PTPRG: variants seen among roughly 807,000 people sequenced by gnomAD.
The protein encoded by PTPRG is receptor-type tyrosine-protein phosphatase gamma.
Under a neutral mutation model 165.3 loss-of-function variants are expected in PTPRG, and 102 were observed. The observed-to-expected ratio is 0.62, with a 90% CI of 0.53 to 0.73. PTPRG has a LOEUF of 0.73. Among genes scored for constraint, PTPRG ranks in the 30% least tolerant of loss-of-function variants. PTPRG has a pLI of 0.00. For missense variants in PTPRG, 1,866 were observed against 1,861.4 expected, an observed-to-expected ratio of 1.00 and a Z score of -0.05; for synonymous variants, 675 against 669.5, an observed-to-expected ratio of 1.01 and a Z score of -0.13.
intron 2 of PTPRG, among the ~76,000 whole-genome samples, chr3:61,855,857 A>C (rs2037091667): frequency 6.6e-6 from 1 of 152,068 alleles, no homozygotes; most frequent in Non-Finnish European, 1.5e-5. Flanking sequence ...GCATTAAACC[A>C]AGGAAGTGTG....
At chr3:61,937,692 T>C (rs1252487996) in intron 2 of PTPRG, among the ~76,000 whole-genome samples, 1 of 152,212 alleles carries the variant, frequency 6.6e-6, no homozygotes, top group Non-Finnish European at 1.5e-5. Flanking sequence ...GCAAGAAACA[T>C]GCAGTCAGAG....
At chr3:61,763,181 A>C (rs546226768) in intron 2 of PTPRG, among the ~76,000 whole-genome samples, 1 of 152,196 alleles carries the variant, frequency 6.6e-6, no homozygotes, top group East Asian at 1.9e-4. Context: ...CCCGAAGTAG[A>C]GGTCCTGGAA....
At chr3:62,121,941 T>C (rs193048653) in intron 5 of PTPRG, among the ~76,000 whole-genome samples, 28 of 152,352 alleles carry the variant, frequency 1.8e-4, no homozygotes, top group African/African-American at 6.5e-4. Context: ...TTGTCTTTCC[T>C]CATTGCAATT....
chr3:61,671,663 G>T (rs1450935735), intron 1 of PTPRG, among the ~76,000 whole-genome samples: 2 of 144,100 alleles, frequency 1.4e-5, no homozygotes, highest in East Asian at 2.1e-4. Flanking sequence ...GGTACACCTC[G>T]CAGACGGGGT....
rs371740618 is a variant in PTPRG, at chr3:61,841,824, AAAAACAAAAC to A, written c.190+92859_190+92868del. ...GAGACTCCATCTCAAAAACAAAAAC[AAAAACAAAAC>A]AAAACAAAACAAAACAGACTTTTTG... On this transcript the variant is annotated intron_variant, in intron 2 of 29. Coordinates refer to ENST00000474889, the MANE Select transcript of PTPRG (RefSeq NM_002841.4). Among the ~76,000 whole-genome samples the A allele has an allele frequency of 5.9e-5, 9 of 152,208 alleles. No homozygotes were observed. In the East Asian group the frequency reaches 9.6e-4, roughly 16 times the overall value.
At chr3:61,969,230 A>G (rs1239549078) in intron 2 of PTPRG, among the ~76,000 whole-genome samples, 1 of 152,162 alleles carries the variant, frequency 6.6e-6, no homozygotes, top group Non-Finnish European at 1.5e-5. Flanking sequence ...GCACATGACA[A>G]TGTGGTCTCC....
intron 2 of PTPRG, among the ~76,000 whole-genome samples, chr3:61,923,569 A>T (rs1349561544): frequency 1.6e-5 from 1 of 61,994 alleles, no homozygotes; most frequent in Non-Finnish European, 3.2e-5. Context: ...CCCCCACCCC[A>T]CAACAGCCCC....
intron 7 of PTPRG, among the ~76,000 whole-genome samples, chr3:62,162,908 A>G (rs1261222292): frequency 6.6e-6 from 1 of 152,172 alleles, no homozygotes; most frequent in Non-Finnish European, 1.5e-5. Flanking sequence ...TCACATTGCT[A>G]TAAAGAACTA....
chr3:62,048,089 C>T (rs1277074081), intron 4 of PTPRG, among the ~76,000 whole-genome samples: 1 of 152,006 alleles, frequency 6.6e-6, no homozygotes, highest in East Asian at 1.9e-4. Context: ...CAAGCTACCT[C>T]TGAGTGTTTC....
At chr3:62,027,004 T>C (rs1052495929) in intron 4 of PTPRG, among the ~76,000 whole-genome samples, 1 of 152,088 alleles carries the variant, frequency 6.6e-6, no homozygotes, top group Admixed American at 6.6e-5. Context: ...GCAATTATTA[T>C]TGTCTGCTCT....
chr3:61,680,008 A>G (rs571909374), intron 1 of PTPRG, among the ~76,000 whole-genome samples: 1 of 152,256 alleles, frequency 6.6e-6, no homozygotes, highest in South Asian at 2.1e-4. Flanking sequence ...CCCCTTAAGC[A>G]ATTTACTAAT....
chr3:62,235,474 C>A (rs1452181095), intron 14 of PTPRG, among the ~76,000 whole-genome samples: 9 of 152,292 alleles, frequency 5.9e-5, no homozygotes, highest in East Asian at 1.9e-4. Flanking sequence ...TCTGAAGAGA[C>A]CTTTTCTCTC....
chr3:62,075,791 G>C (rs1034928760), intron 4 of PTPRG, among the ~76,000 whole-genome samples: 5 of 152,194 alleles, frequency 3.3e-5, no homozygotes, highest in African/African-American at 1.2e-4. Context: ...CTGGGGTGTG[G>C]TTGTTCAGTC....
At chr3:62,152,810 G>C (rs964436855) in intron 6 of PTPRG, among the ~76,000 whole-genome samples, 2 of 152,152 alleles carry the variant, frequency 1.3e-5, no homozygotes. Flanking sequence ...CTGTCAAGGT[G>C]ACTTTCTGAT....
intron 4 of PTPRG, among the ~76,000 whole-genome samples, chr3:62,063,205 CAT>C (rs1313191856): frequency 6.6e-6 from 1 of 152,308 alleles, no homozygotes; most frequent in African/African-American, 2.4e-5. Flanking sequence ...TCCACTCCAT[CAT>C]ATGTTTTCTC....
chr3:62,200,721 G>A (rs768821140), intron 10 of PTPRG, among the ~76,000 whole-genome samples: 5 of 152,154 alleles, frequency 3.3e-5, no homozygotes, highest in Non-Finnish European at 7.3e-5. Flanking sequence ...TGGTTAATAC[G>A]AAATCATTAG....
At chr3:61,731,643 A>T (rs568667174) in intron 1 of PTPRG, among the ~76,000 whole-genome samples, 19 of 151,778 alleles carry the variant, frequency 1.3e-4, no homozygotes, top group Admixed American at 6.6e-4. Flanking sequence ...CACTGTGCCC[A>T]GTCAGAAGCT....
intron 5 of PTPRG, among the ~76,000 whole-genome samples, chr3:62,104,781 C>T (rs7609607): frequency 0.68 from 103,034 of 152,092 alleles, 35,143 homozygotes; most frequent in Middle Eastern, 0.78. Flanking sequence ...AAAGCTGGAA[C>T]TGATGGTCTG....
intron 4 of PTPRG, among the ~76,000 whole-genome samples, chr3:62,059,686 C>T (rs1700742130): frequency 1.3e-5 from 2 of 152,054 alleles, no homozygotes; most frequent in Admixed American, 6.5e-5. Context: ...TTGGCTGTAT[C>T]CCCACCCAAA....
Sources: allele counts gnomAD v4.1 joint callset (sites outside exome capture counted in the v4.1 genomes callset), GRCh38; gene constraint gnomAD v4.1.1; transcripts MANE v1.5; gene names NCBI Gene and HGNC (gene_info 2026-07-23, HGNC 2026-07-21).